The following HMGB3 variants were observed in gnomAD, a reference collection of about 807,000 sequenced individuals.
HMGB3 encodes the protein high mobility group box 3.
Under a neutral mutation model 12.9 loss-of-function variants are expected in HMGB3, and 1 was observed. The ratio of observed to expected loss-of-function variants is 0.08; its 90% CI spans 0.03 to 0.37. The LOEUF is 0.37. Among genes scored for constraint, HMGB3 ranks in the 10% least tolerant of loss-of-function variants. The pLI, the probability that HMGB3 is intolerant of heterozygous loss-of-function variation, is 0.99. For synonymous variants in HMGB3, 61 were observed against 53.9 expected (o/e 1.13, Z -0.57); for missense variants, 74 against 153.3 (o/e 0.48, Z 2.73).
Position 150,989,207 on chromosome X carries a change from A to C in HMGB3, c.*1293A>C, listed in dbSNP as rs2048088068. On this transcript the variant is annotated 3_prime_UTR_variant, in exon 5 of 5. Transcript: ENST00000325307. ...ACCCCCCGTGCTCCTGGCACATATC[A>C]CATTATTTGTGGTGCCCAACATTTG... 1 of 111,054 alleles carries C rather than the reference A, an allele frequency of 9.0e-6. No individual in the cohort carries two copies. The highest frequency in any genetic ancestry group is 1.9e-5 in the Non-Finnish European group (1 of 53,064). 9.2% of individuals were successfully genotyped at this position (111,054 alleles called of 1,213,427 possible).
upstream of HMGB3, among the ~76,000 whole-genome samples, chrX:150,981,420 C>A (rs185609497): frequency 3.0e-3 from 323 of 106,822 alleles, 2 homozygotes; most frequent in African/African-American, 0.01. Context: ...TAGTGGGGAC[C>A]TGGGTTAGTG....
rs955827206 is a variant in HMGB3, at chrX:150,988,830, T to G, written c.*916T>G. ...AGCAGTGAACAAACCCCCACTCCAT[T>G]GTATTTGGAGACTGGCCTCCCTATA... On this transcript the variant is annotated 3_prime_UTR_variant, in exon 5 of 5. Coordinates refer to ENST00000325307, the MANE Select transcript of HMGB3 (RefSeq NM_005342.4). The G allele has an allele frequency of 1.4e-4, 16 of 112,265 alleles. No individual in the cohort carries two copies. Among genetic ancestry groups the G allele is most frequent in the Non-Finnish European group, 2.4e-4 (13 of 53,250 alleles). 9.3% of individuals were successfully genotyped at this position (112,265 alleles called of 1,213,427 possible).
upstream of HMGB3, among the ~76,000 whole-genome samples, chrX:150,983,062 G>A (rs546784457): frequency 2.0e-4 from 23 of 112,710 alleles, 1 homozygote; most frequent in South Asian, 6.5e-3. Flanking sequence ...GGCGATCCCA[G>A]TTCTGTTCCC....
Position 150,983,347 on chromosome X carries a change from C to T in HMGB3, c.-35C>T, listed in dbSNP as rs1317955344. 7 of 753,884 alleles carry T rather than the reference C, an allele frequency of 9.3e-6. No homozygotes were observed. The highest frequency in any genetic ancestry group is 8.7e-5 in the Admixed American group (1 of 11,484). The allele number at this position is 753,884 out of a possible 1,213,427, so 62.1% of individuals were successfully genotyped here. A position where few individuals can be genotyped will look rare whatever the true frequency, so the allele number is the denominator to read the frequency against. On this transcript the variant is annotated 5_prime_UTR_variant, in exon 1 of 5. Transcript: ENST00000325307. The stretch of plus-strand genomic sequence containing the variant: ...GGAGCGCTGAGCCGCGCGTCGTGCC[C>T]TGCGCTGCCCAGACTAGCGAACAAT...
chrX:150,983,246 C>A (rs2048004260), upstream of HMGB3: 1 of 734,953 alleles, frequency 1.4e-6, no homozygotes, highest in Non-Finnish European at 1.6e-6. Flanking sequence ...AATGGCCAGG[C>A]GAGGAGGCTG....
intron 1 of HMGB3, chrX:150,984,670 G>GGCTGCCT: frequency 1.9e-6 from 1 of 518,908 alleles, no homozygotes; most frequent in Non-Finnish European, 2.4e-6. Flanking sequence ...GGCCGAGGCG[G>GGCTGCCT]GCTGCCTGCT....
At position 150,985,593 on chromosome X, in the gene HMGB3, A is replaced by G. The variant is rs1557425213; in HGVS notation, c.-5-2A>G. ...TATTTCTTTGTTTCTCTTTTATCAC[A>G]GTCAGGATGGCTAAAGGTGACCCCA... On this transcript the variant is annotated splice_acceptor_variant, in intron 1 of 4. Transcript: ENST00000325307. LOFTEE classifies it low-confidence loss of function (5UTR_SPLICE). 3.4e-6 allele frequency: 4 copies of G among 1,176,036 alleles called. No homozygotes were observed. The South Asian group carries it at 7.5e-5, about 22-fold the overall frequency.
upstream of HMGB3, among the ~76,000 whole-genome samples, chrX:150,981,075 C>A (rs1557425074): frequency 3.6e-5 from 4 of 110,658 alleles, no homozygotes; most frequent in Non-Finnish European, 3.8e-5. Context: ...AAACCCTGCT[C>A]CCCTCTAGGC....
chrX:150,983,315 A>G, upstream of HMGB3: 1 of 755,291 alleles, frequency 1.3e-6, no homozygotes, highest in Non-Finnish European at 1.6e-6. Flanking sequence ...AGCTAGCGCG[A>G]GGCTGGGGAG....
In HMGB3 at chrX:150,985,588, A is replaced by G. The variant is rs2048044124; in HGVS notation, c.-5-7A>G. ...CATTGTATTTCTTTGTTTCTCTTTT[A>G]TCACAGTCAGGATGGCTAAAGGTGA... On this transcript the variant is annotated splice_polypyrimidine_tract_variant and splice_region_variant and intron_variant, in intron 1 of 4. Transcript: ENST00000325307. 3.4e-6 allele frequency: 4 copies of G among 1,165,921 alleles called. No individual in the cohort carries two copies. The highest frequency in any genetic ancestry group is 4.6e-6 in the Non-Finnish European group (4 of 876,228).
chrX:150,985,498 A>G, intron 1 of HMGB3, 97 bp from the exon 2 acceptor site: 8 of 591,387 alleles, frequency 1.4e-5, no homozygotes, highest in Non-Finnish European at 1.8e-5. Flanking sequence ...CAGCAAGTGT[A>G]GTTTTAGTTT....
chrX:150,983,524 C>T (rs1350575349), intron 1 of HMGB3, 148 bp downstream of exon 1: 1 of 728,918 alleles, frequency 1.4e-6, no homozygotes, highest in East Asian at 1.6e-4. Context: ...TGCCTCTACT[C>T]CCCATTCCCT....
At position 150,985,761 on chromosome X, in the gene HMGB3, T is replaced by C; in HGVS notation, c.150+12T>C. 1.7e-6 allele frequency: 2 copies of C among 1,201,652 alleles called. No homozygotes were observed. The highest frequency in any genetic ancestry group is 4.6e-4 in the Middle Eastern group (2 of 4,312). On this transcript the variant is annotated intron_variant, in intron 2 of 4. Transcript: ENST00000325307. ...CTGAGAGGTGGAAGGTATTTTTCTT[T>C]GGTACCCTTCAAACTAGTCTTAGTT...
At position 150,987,822 on chromosome X, in the gene HMGB3, G is replaced by T. The variant is rs2048068469; in HGVS notation, c.511G>T (p.Gly171Cys). ...GAAAGGAAAGTTTGATGGTGCAAAG[G>T]GTCCTGCTAAAGTTGCCCGGAAAAA... ...KSKGKFDGAK[G>C]PAKVARKKVE... The change falls in exon 5 of 5, where the codon GGT becomes TGT. Residue 171 changes from glycine (G) to cysteine (C), a missense_variant. Gly to Cys is a radical substitution (Grantham distance 159). Around this residue, in one of 2 missense-constraint regions of HMGB3, gnomAD observed 29 missense variants for 29.5 expected, o/e 0.98. Coordinates refer to ENST00000325307, the MANE Select transcript of HMGB3 (RefSeq NM_005342.4). 1.7e-6 allele frequency: 2 copies of T among 1,205,126 alleles called. No individual in the cohort carries two copies. Among genetic ancestry groups the T allele is most frequent in the Non-Finnish European group, 2.2e-6 (2 of 893,988 alleles).
intron 4 of HMGB3, 53 bp downstream of exon 4, chrX:150,987,355 A>G (rs2048064108): frequency 1.9e-6 from 2 of 1,040,242 alleles, no homozygotes; most frequent in African/African-American, 3.7e-5. Flanking sequence ...TTCTGCTATC[A>G]GTAGGTTGCA....
chrX:150,983,336 C>A lies in HMGB3; in HGVS notation c.-46C>A. ...CGCGAGGCTGGGGAGCGCTGAGCCG[C>A]GCGTCGTGCCCTGCGCTGCCCAGAC... On this transcript the variant is annotated 5_prime_UTR_variant, in exon 1 of 5. Coordinates refer to ENST00000325307, the MANE Select transcript of HMGB3 (RefSeq NM_005342.4). 1 of 755,210 alleles carries A rather than the reference C, an allele frequency of 1.3e-6. No homozygotes were observed. The highest frequency in any genetic ancestry group is 1.6e-6 in the Non-Finnish European group (1 of 639,610). 62.2% of individuals were successfully genotyped at this position (755,210 alleles called of 1,213,427 possible).
intron 3 of HMGB3, among the ~76,000 whole-genome samples, chrX:150,986,523 G>T: frequency 9.2e-6 from 1 of 108,555 alleles, no homozygotes; most frequent in Non-Finnish European, 1.9e-5. Flanking sequence ...TGAAAGACTG[G>T]GACAGCACCA....
At chrX:150,981,883 A>T (rs2124441561), upstream of HMGB3, among the ~76,000 whole-genome samples, 1 of 111,726 alleles carries the variant, frequency 9.0e-6, no homozygotes, top group African/African-American at 3.2e-5. Context: ...GTGAAGAAGC[A>T]GGTGCCCTGT....
upstream of HMGB3, among the ~76,000 whole-genome samples, chrX:150,982,848 C>T (rs781788348): frequency 1.6e-4 from 18 of 113,013 alleles, no homozygotes; most frequent in South Asian, 6.5e-3. Flanking sequence ...GCGCCGCGGC[C>T]GAACCGGGTA....
Sources: allele counts gnomAD v4.1 joint callset (sites outside exome capture counted in the v4.1 genomes callset), GRCh38; gene constraint gnomAD v4.1.1; regional missense constraint gnomAD v4.1.1; transcripts MANE v1.5; gene names NCBI Gene and HGNC (gene_info 2026-07-23, HGNC 2026-07-21).